ZC3H11A: variants seen among roughly 807,000 people sequenced by gnomAD.
ZC3H11A encodes zinc finger CCCH domain-containing protein 11A.
Under a neutral mutation model 90.8 loss-of-function variants are expected in ZC3H11A, and 22 were observed. The ratio of observed to expected loss-of-function variants is 0.24; its 90% CI spans 0.17 to 0.35. The LOEUF (loss-of-function observed/expected upper bound fraction) is 0.35. ZC3H11A is among the 10% of genes least tolerant of loss of function. ZC3H11A has a pLI of 1.00. For synonymous variants in ZC3H11A, 294 were observed against 339.8 expected (o/e 0.87, Z 1.48); for missense variants, 701 against 964.9 (o/e 0.73, Z 3.62).
intron 1 of ZC3H11A, chr1:203,798,077 C>T (rs1172947150): frequency 6.5e-7 from 1 of 1,536,088 alleles, no homozygotes; most frequent in East Asian, 2.4e-5. Context: ...CTCATTGGAC[C>T]AGGGCCAACA....
At chr1:203,850,117 G>GTTGA (rs1245666179) in intron 15 of ZC3H11A, 91 bp downstream of exon 15, 6 of 1,210,240 alleles carry the variant, frequency 5.0e-6, no homozygotes, top group African/African-American at 1.5e-5. Flanking sequence ...CAACAATTGG[G>GTTGA]TTGAATTTCA....
intron 13 of ZC3H11A, 103 bp downstream of exon 13, chr1:203,847,790 C>T (rs1479854013): frequency 2.0e-6 from 3 of 1,485,896 alleles, no homozygotes; most frequent in South Asian, 1.4e-5. Context: ...TTTCTTTACT[C>T]AGATAACGTT....
chr1:203,849,461 CATT>C, intron 14 of ZC3H11A, among the ~76,000 whole-genome samples: 1 of 152,208 alleles, frequency 6.6e-6, no homozygotes, highest in Non-Finnish European at 1.5e-5. Flanking sequence ...ATTTAGGAAT[CATT>C]AGTATTTGAC....
At chr1:203,823,971 TA>T (rs71281154) in intron 4 of ZC3H11A, among the ~76,000 whole-genome samples, 1 of 151,800 alleles carries the variant, frequency 6.6e-6, no homozygotes, top group Non-Finnish European at 1.5e-5. Context: ...CAAGGTGGGT[TA>T]AAAAAGGAGA....
At chr1:203,840,480 T>G (rs1685756207) in intron 12 of ZC3H11A, 106 bp downstream of exon 12, 13 of 1,122,832 alleles carry the variant, frequency 1.2e-5, no homozygotes, top group Non-Finnish European at 1.7e-5. Context: ...TGATTTTTGT[T>G]CTTTTGTAGT....
chr1:203,796,287 C>T (rs1668473021), intron 1 of ZC3H11A: 5 of 397,156 alleles, frequency 1.3e-5, no homozygotes, highest in Non-Finnish European at 4.4e-6. Context: ...TCTCATTCCT[C>T]TCCAGGGTCC....
chr1:203,818,605 A>G lies in ZC3H11A; in HGVS notation c.90A>G (p.Ala30=). 6.2e-7 allele frequency: 1 copy of G among 1,614,152 alleles called. No homozygotes were observed. The highest frequency in any genetic ancestry group is 1.6e-4 in the Middle Eastern group (1 of 6,062). ...GCCCATTCCGTCACTGTGAAGCTGC[A>G]ATAGGAAATGAAACTGTTTGCACAT... The part of the protein sequence containing the change: ...DSCPFRHCEA[A]IGNETVCTLW... The change falls in exon 4 of 18, where the codon GCA becomes GCG. Residue 30 remains alanine (A), a synonymous_variant. Coordinates refer to ENST00000367210, the MANE Select transcript of ZC3H11A (RefSeq NM_001376342.1).
intron 13 of ZC3H11A, among the ~76,000 whole-genome samples, chr1:203,847,905 C>T (rs185944435): frequency 6.6e-6 from 1 of 152,182 alleles, no homozygotes; most frequent in African/African-American, 2.4e-5. Context: ...ACCCAGGCTG[C>T]AGTGCAGTGG....
In ZC3H11A at chr1:203,847,665, G is replaced by C. The variant is rs144891019; in HGVS notation, c.1524G>C (p.Leu508=). Residue 508 remains leucine (L), a synonymous_variant, in exon 13 of 18, where the codon CTG becomes CTC. Transcript: ENST00000367210. ...AGGCCACTCCAGGGGCAAGGCGGCT[G>C]CTGCGAATCACCAAAAGAACAGGTA... The part of the protein sequence containing the change: ...QHEATPGARR[L]LRITKRTGMK... 2.7e-5 allele frequency: 44 copies of C among 1,612,256 alleles called. No homozygotes were observed. In the African/African-American group the frequency reaches 5.6e-4, roughly 21 times the overall value.
intron 1 of ZC3H11A, chr1:203,797,411 C>T: frequency 9.5e-7 from 1 of 1,050,526 alleles, no homozygotes; most frequent in Admixed American, 3.4e-5. Context: ...GAATTTGATT[C>T]CCCATAGAAA....
chr1:203,840,256 TAA>T (rs1468055652), intron 11 of ZC3H11A, 48 bp from the exon 12 acceptor site: 8 of 1,584,516 alleles, frequency 5.0e-6, no homozygotes, highest in Non-Finnish European at 6.1e-6. Flanking sequence ...ATTTAAGCTG[TAA>T]AAAGTTTCTG....
chr1:203,847,248 C>G lies in ZC3H11A; in HGVS notation c.1107C>G (p.Ala369=). 1.2e-6 allele frequency: 2 copies of G among 1,613,656 alleles called. No individual in the cohort carries two copies. The highest frequency in any genetic ancestry group is 1.7e-6 in the Non-Finnish European group (2 of 1,179,812). ...KTLEEILLER[A]SQKRGELQTK... The stretch of plus-strand genomic sequence containing the variant: ...TAGAAGAAATTCTTCTTGAAAGAGC[C>G]AGTCAGAAACGTGGAGAATTGCAAA... Residue 369 remains alanine (A), a synonymous_variant, in exon 13 of 18, where the codon GCC becomes GCG. Transcript: ENST00000367210.
At chr1:203,849,141 T>G (rs1688676779) in intron 14 of ZC3H11A, among the ~76,000 whole-genome samples, 2 of 152,246 alleles carry the variant, frequency 1.3e-5, no homozygotes, top group Non-Finnish European at 2.9e-5. Flanking sequence ...TGCCTTGGCC[T>G]CCCAACGTGT....
At chr1:203,798,721 C>T (rs890377253) in intron 1 of ZC3H11A, 1 of 1,536,006 alleles carries the variant, frequency 6.5e-7, no homozygotes, top group African/African-American at 1.4e-5. Flanking sequence ...AGAGAAACAA[C>T]ATGTTGTGGA....
chr1:203,798,328 T>C, intron 1 of ZC3H11A: 2 of 1,536,062 alleles, frequency 1.3e-6, no homozygotes, highest in Non-Finnish European at 1.7e-6. Flanking sequence ...ACATCTGCCG[T>C]TTGGAATTTT....
At chr1:203,841,448 G>A (rs1010329248) in intron 12 of ZC3H11A, among the ~76,000 whole-genome samples, 2 of 152,182 alleles carry the variant, frequency 1.3e-5, no homozygotes, top group African/African-American at 4.8e-5. Context: ...CACAGCACAT[G>A]TTTCAGAGAG....
chr1:203,838,044 T>C lies in ZC3H11A; in HGVS notation c.953T>C (p.Ile318Thr), dbSNP rs554169257. Residue 318 changes from isoleucine to threonine, a missense_variant, in exon 11 of 18, where the codon ATT becomes ACT. Transcript: ENST00000367210. ...AAAGTTGAAGCTCCAGAAACTAACA[T>C]TGACAAAACACCAAAGAAAGGTACC... Reference protein sequence around the residue: ...GKKVEAPETNIDKTPKKAQVS... With the variant: ...GKKVEAPETNTDKTPKKAQVS... 16 of 1,614,190 alleles carry C rather than the reference T, an allele frequency of 9.9e-6. No homozygotes were observed. Among genetic ancestry groups the C allele is most frequent in the South Asian group, 4.4e-5 (4 of 91,086 alleles).
intron 14 of ZC3H11A, among the ~76,000 whole-genome samples, chr1:203,849,069 G>C (rs2103431706): frequency 6.6e-6 from 1 of 152,320 alleles, no homozygotes; most frequent in Admixed American, 6.5e-5. Flanking sequence ...ATTTTTAGTA[G>C]AGACAGAGTT....
In ZC3H11A at chr1:203,817,132, T is replaced by C; in HGVS notation, c.54+8T>C. Reference sequence around the variant, plus strand: ...TATTCCACATGTACCAAAGTAAGAATTGACATCTTTAAATCAGTTCTTTCT... The same window carrying C: ...TATTCCACATGTACCAAAGTAAGAACTGACATCTTTAAATCAGTTCTTTCT... On this transcript the variant is annotated splice_region_variant and intron_variant, in intron 3 of 17. Transcript: ENST00000367210. 2 of 1,602,064 alleles carry C rather than the reference T, an allele frequency of 1.2e-6. No homozygotes were observed. The highest frequency in any genetic ancestry group is 1.7e-6 in the Non-Finnish European group (2 of 1,173,310).
Sources: gnomAD v4.1 joint callset for allele counts (sites outside exome capture counted in the v4.1 genomes callset) on GRCh38, gnomAD v4.1.1 for gene constraint, MANE v1.5 for transcripts, NCBI Gene and HGNC (gene_info 2026-07-23, HGNC 2026-07-21) for gene names.